Variants in ALX3 observed in about 807,000 individuals in gnomAD.
ALX3 encodes the protein homeobox protein aristaless-like 3.
In ALX3, 17 loss-of-function variants were observed where a neutral mutation model predicts 26.3. The observed-to-expected ratio is 0.65, with a 90% confidence interval of 0.44 to 0.97. The LOEUF (loss-of-function observed/expected upper bound fraction) is 0.97, where lower values mean the gene tolerates loss of function less well. Among genes scored for constraint, ALX3 ranks in the 50% least tolerant of loss-of-function variants. ALX3 has a pLI of 0.00. For synonymous variants in ALX3, 208 were observed against 201.4 expected (o/e 1.03, Z -0.28); for missense variants, 461 against 466.5 (o/e 0.99, Z 0.11).
At chr1:110,070,192 G>T in intron 1 of ALX3, 144 bp downstream of exon 1, 1 of 958,838 alleles carries the variant, frequency 1.0e-6, no homozygotes, top group Non-Finnish European at 1.3e-6. Context: ...CCCGGCTTCC[G>T]TGGAAGCCGT....
In ALX3 at chr1:110,064,832, C is replaced by T. The variant is rs138645472; in HGVS notation, c.349G>A (p.Gly117Arg). The change falls in exon 2 of 4, where the codon GGG (glycine) becomes AGG (arginine). Residue 117 changes from glycine to arginine, a missense_variant. Around this residue, in one of 3 missense-constraint regions of ALX3, gnomAD observed 241 missense variants for 206.1 expected, o/e 1.17. Transcript: ENST00000647563. ...PLDCRGGPRD[G>R]PSNLQGSPGP... ...GGGGAGCCTTGCAAGTTAGAGGGCC[C>T]GTCTCTGGGGCCCCCTCGGCAGTCC... The T allele has an allele frequency of 1.5e-5, 25 of 1,613,294 alleles. No homozygotes were observed. The highest frequency in any genetic ancestry group is 2.0e-5 in the Non-Finnish European group (24 of 1,179,846).
At chr1:110,068,552 C>A (rs992918933) in intron 1 of ALX3, among the ~76,000 whole-genome samples, 1 of 152,214 alleles carries the variant, frequency 6.6e-6, no homozygotes, top group Non-Finnish European at 1.5e-5. Context: ...ATTTTCTTAC[C>A]CCCTTGTTCT....
At chr1:110,067,278 G>A (rs1301183682) in intron 1 of ALX3, among the ~76,000 whole-genome samples, 1 of 152,212 alleles carries the variant, frequency 6.6e-6, no homozygotes, top group Non-Finnish European at 1.5e-5. Flanking sequence ...TGCTGAGCAC[G>A]GGGCACATCT....
chr1:110,066,173 C>G (rs1489405014), intron 1 of ALX3, among the ~76,000 whole-genome samples: 1 of 152,208 alleles, frequency 6.6e-6, no homozygotes, highest in African/African-American at 2.4e-5. Context: ...TCTGGTGAGT[C>G]CCTGTCTGCA....
chr1:110,069,539 A>T (rs1483066642), intron 1 of ALX3, among the ~76,000 whole-genome samples: 1 of 151,972 alleles, frequency 6.6e-6, no homozygotes, highest in Non-Finnish European at 1.5e-5. Flanking sequence ...CGGCCTTAGC[A>T]CAGGGCACCG....
At chr1:110,066,524 C>T (rs1200735219) in intron 1 of ALX3, among the ~76,000 whole-genome samples, 1 of 146,146 alleles carries the variant, frequency 6.8e-6, no homozygotes, top group Non-Finnish European at 1.5e-5. Context: ...AGAAGTTGAA[C>T]CAAATAATTG....
Position 110,064,858 on chromosome 1 carries a change from A to G in ALX3, c.323T>C (p.Leu108Ser). ...SKAASFPQLP[L>S]DCRGGPRDGP... ...GTCTCTGGGGCCCCCTCGGCAGTCC[A>G]AGGGCAGCTGGGGGAAGCTGGCAGC... Residue 108 changes from leucine to serine, a missense_variant, in exon 2 of 4, where the codon TTG becomes TCG. By Grantham distance (145) the Leu-to-Ser change is moderately radical. Transcript: ENST00000647563. The G allele has an allele frequency of 6.2e-7, 1 of 1,612,008 alleles. No individual in the cohort carries two copies. Among genetic ancestry groups the G allele is most frequent in the East Asian group, 2.2e-5 (1 of 44,838 alleles).
intron 2 of ALX3, among the ~76,000 whole-genome samples, chr1:110,064,204 C>T (rs1014845832): frequency 3.9e-5 from 6 of 152,226 alleles, no homozygotes; most frequent in Non-Finnish European, 8.8e-5. Flanking sequence ...ATGCGGCCAT[C>T]CCTGTGATCC....
In ALX3 at chr1:110,070,350, TC is replaced by T; in HGVS notation, c.262del (p.Glu88ArgfsTer105). 1 of 1,290,066 alleles carries T rather than the reference TC, an allele frequency of 7.8e-7. No homozygotes were observed. The highest frequency in any genetic ancestry group is 9.8e-7 in the Non-Finnish European group (1 of 1,018,586). The allele number at this position is 1,290,066 out of a possible 1,614,324, so 79.9% of individuals were successfully genotyped here. A position where few individuals can be genotyped will look rare whatever the true frequency, so the allele number is the denominator to read the frequency against. ...CCGCGCGTTACCTTCCGCGGGGCCC[TC>T]GTAGAAGTGGCCGCCGTTGAGGGCC... ...GPALNGGHFY[E>X]GPAEAEEKTS... is the part of the protein sequence containing the mutation. On this transcript the variant is annotated frameshift_variant, in exon 1 of 4. Transcript: ENST00000647563. LOFTEE classifies it high-confidence loss of function.
chr1:110,061,262 C>T (rs1002683853), intron 3 of ALX3, 173 bp downstream of exon 3: 1 of 1,172,324 alleles, frequency 8.5e-7, no homozygotes, highest in Non-Finnish European at 1.2e-6. Flanking sequence ...CCTTTGTGTT[C>T]CGCATGCGTC....
Position 110,060,645 on chromosome 1 carries a change from A to G in ALX3, c.*88T>C. The G allele has an allele frequency of 3.2e-6, 1 of 309,510 alleles. No homozygotes were observed. Among genetic ancestry groups the G allele is most frequent in the Non-Finnish European group, 4.1e-6 (1 of 246,462 alleles). The allele number at this position is 309,510 out of a possible 1,614,324, so 19.2% of individuals were successfully genotyped here. A position where few individuals can be genotyped will look rare whatever the true frequency, so the allele number is the denominator to read the frequency against. On this transcript the variant is annotated 3_prime_UTR_variant, in exon 4 of 4. Coordinates refer to ENST00000647563, the MANE Select transcript of ALX3 (RefSeq NM_006492.3). ...AGCTGCTCTCGCAGCCTCCAGAACC[A>G]TCTGGGGCTTGGAGGCAGAGGTGGG...
chr1:110,066,609 T>C (rs1287508227), intron 1 of ALX3, among the ~76,000 whole-genome samples: 2 of 81,162 alleles, frequency 2.5e-5, no homozygotes, highest in African/African-American at 9.7e-5. Flanking sequence ...ACCACATGCA[T>C]ACACACAGCA....
intron 2 of ALX3, chr1:110,062,648 G>A (rs1339016973): frequency 1.7e-5 from 1 of 59,294 alleles, no homozygotes; most frequent in Non-Finnish European, 3.3e-5. Flanking sequence ...TGTGTGTGGA[G>A]TAATCCGTCT....
intron 1 of ALX3, among the ~76,000 whole-genome samples, chr1:110,065,806 C>T (rs1209312224): frequency 6.6e-6 from 1 of 152,232 alleles, no homozygotes; most frequent in African/African-American, 2.4e-5. Flanking sequence ...GACATGCTAA[C>T]CCCTACTCCA....
intron 1 of ALX3, among the ~76,000 whole-genome samples, chr1:110,069,932 C>T (rs548238743): frequency 2.0e-5 from 3 of 152,314 alleles, no homozygotes; most frequent in East Asian, 3.9e-4. Flanking sequence ...CGCGCTTCTT[C>T]GTCAGGTCTC....
chr1:110,062,937 TC>T (rs1442943928), intron 2 of ALX3, among the ~76,000 whole-genome samples: 1 of 152,146 alleles, frequency 6.6e-6, no homozygotes, highest in African/African-American at 2.4e-5. Flanking sequence ...CCACCCATTC[TC>T]CCTTGGGGAT....
chr1:110,070,178 C>A (rs906865674), intron 1 of ALX3, among the ~76,000 whole-genome samples, 158 bp downstream of exon 1: 2 of 152,122 alleles, frequency 1.3e-5, no homozygotes, highest in Non-Finnish European at 2.9e-5. Flanking sequence ...CGGGCCAGCG[C>A]CAACCCGGCT....
rs1553195982 is a variant in ALX3, at chr1:110,060,657, G to GAAGCAGAGGTGCTTCCTCCGTGGTGTCC, written c.*75_*76insGGACACCACGGAGGAAGCACCTCTGCTT. The GAAGCAGAGGTGCTTCCTCCGTGGTGTCC allele has an allele frequency of 1.7e-5, 5 of 301,248 alleles. No homozygotes were observed. The East Asian group carries it at 1.3e-3, about 81-fold the overall frequency. 18.7% of individuals were successfully genotyped at this position (301,248 alleles called of 1,614,324 possible). On this transcript the variant is annotated 3_prime_UTR_variant, in exon 4 of 4. Transcript: ENST00000647563. ...AGCCTCCAGAACCATCTGGGGCTTG[G>GAAGCAGAGGTGCTTCCTCCGTGGTGTCC]AGGCAGAGGTGGGCTGGGAGCGACT...
chr1:110,063,983 ATTTT>A (rs1329759865), intron 2 of ALX3, among the ~76,000 whole-genome samples: 1 of 151,060 alleles, frequency 6.6e-6, no homozygotes, highest in African/African-American at 2.4e-5. Context: ...TCCATGGGGG[ATTTT>A]GTTAGGATGG....
Sources: gnomAD v4.1 joint callset for allele counts (sites outside exome capture counted in the v4.1 genomes callset) on GRCh38, gnomAD v4.1.1 for gene constraint, gnomAD v4.1.1 regional missense constraint, MANE v1.5 for transcripts, NCBI Gene and HGNC (gene_info 2026-07-23, HGNC 2026-07-21) for gene names.